The following TXNRD2 variants were observed in gnomAD, a reference collection of about 807,000 sequenced individuals.
TXNRD2 encodes the protein thioredoxin reductase 2, also known as thioredoxin reductase 2, mitochondrial.
A neutral mutation model predicts 70.8 loss-of-function variants in TXNRD2; 67 were observed. That is an observed-to-expected ratio of 0.95 (90% CI 0.78 to 1.16). The LOEUF (loss-of-function observed/expected upper bound fraction) is 1.16, where lower values mean the gene tolerates loss of function less well. TXNRD2 is among the 50% of genes most tolerant of loss of function. TXNRD2 has a pLI of 0.00. For missense variants in TXNRD2, 644 were observed against 719.9 expected (o/e 0.89, Z 1.21); for synonymous variants, 301 against 295.8 (o/e 1.02, Z -0.18).
chr22:19,929,097 G>A (rs1172507117), intron 2 of TXNRD2, among the ~76,000 whole-genome samples: 1 of 151,870 alleles, frequency 6.6e-6, no homozygotes. Flanking sequence ...GGAGGCCGAG[G>A]TGGGTGGATC....
intron 1 of TXNRD2, 181 bp downstream of exon 1, chr22:19,941,520 G>C (rs1231422803): frequency 9.2e-7 from 1 of 1,086,218 alleles, no homozygotes; most frequent in African/African-American, 1.7e-5. Flanking sequence ...TGGGAAGGGG[G>C]CTACTTGTGG....
chr22:19,881,230 C>A, intron 12 of TXNRD2: 1 of 400,352 alleles, frequency 2.5e-6, no homozygotes. Flanking sequence ...CCAGGGTGTG[C>A]CCAGCCTTGG....
chr22:19,905,091 C>T (rs931520696), intron 8 of TXNRD2, among the ~76,000 whole-genome samples: 3 of 152,138 alleles, frequency 2.0e-5, no homozygotes, highest in African/African-American at 7.2e-5. Context: ...AGGAATGTAA[C>T]ATGTAAACAC....
chr22:19,916,722 CT>C (rs1196896053), intron 5 of TXNRD2, among the ~76,000 whole-genome samples: 2 of 151,800 alleles, frequency 1.3e-5, no homozygotes, highest in Non-Finnish European at 2.9e-5. Flanking sequence ...TCACGGAAGC[CT>C]TGTTTCAAGT....
intron 9 of TXNRD2, 146 bp from the exon 10 acceptor site, chr22:19,898,276 A>C: frequency 1.3e-6 from 1 of 758,306 alleles, no homozygotes; most frequent in African/African-American, 1.7e-5. Context: ...CCACCTCCAC[A>C]TCTCAAGTGC....
At chr22:19,896,599 C>A (rs1295095321) in intron 10 of TXNRD2, among the ~76,000 whole-genome samples, 2 of 152,240 alleles carry the variant, frequency 1.3e-5, no homozygotes, top group South Asian at 4.1e-4. Flanking sequence ...CAGAGAGAGT[C>A]CTGCTTCTCC....
chr22:19,888,867 T>C (rs1257906713), intron 11 of TXNRD2, among the ~76,000 whole-genome samples: 1 of 147,814 alleles, frequency 6.8e-6, no homozygotes, highest in Non-Finnish European at 1.5e-5. Context: ...CTTATTATTT[T>C]AAAATATTTA....
intron 7 of TXNRD2, among the ~76,000 whole-genome samples, chr22:19,913,590 C>T (rs1940508164): frequency 6.6e-6 from 1 of 152,242 alleles, no homozygotes; most frequent in Admixed American, 6.5e-5. Context: ...CAACAACAGA[C>T]TGCCCAAAAA....
chr22:19,898,619 G>A (rs1024171976), intron 9 of TXNRD2, among the ~76,000 whole-genome samples: 3 of 150,146 alleles, frequency 2.0e-5, no homozygotes, highest in Admixed American at 6.7e-5. Flanking sequence ...GGTTCAAGCG[G>A]TTCCCCTGCC....
chr22:19,915,284 G>GA lies in TXNRD2; in HGVS notation c.529-9dup, dbSNP rs1167544136. On this transcript the variant is annotated splice_polypyrimidine_tract_variant and intron_variant, in intron 6 of 17. Coordinates refer to ENST00000400521, the MANE Select transcript of TXNRD2 (RefSeq NM_006440.5). ...ATCGGCTGACAGCAGAATCTGAGGA[G>GA]AAAAAGAGAAAGCCGTGGGTCAGAC... The GA allele has an allele frequency of 4.3e-6, 7 of 1,612,832 alleles. No individual in the cohort carries two copies. The highest frequency in any genetic ancestry group is 2.2e-5 in the East Asian group (1 of 44,880).
At chr22:19,907,931 T>G (rs1940139322) in intron 8 of TXNRD2, among the ~76,000 whole-genome samples, 1 of 68,602 alleles carries the variant, frequency 1.5e-5, no homozygotes, top group Non-Finnish European at 2.7e-5. Flanking sequence ...GGGCACACCA[T>G]GGGTAGCAGT....
chr22:19,902,262 G>A (rs1187121270), intron 8 of TXNRD2, among the ~76,000 whole-genome samples: 1 of 152,192 alleles, frequency 6.6e-6, no homozygotes, highest in Non-Finnish European at 1.5e-5. Context: ...TTTTTGGTGT[G>A]CAAACATTTT....
rs868496249 is a variant in TXNRD2, at chr22:19,895,293, G to A, written c.949+114C>T. On this transcript the variant is annotated intron_variant, in intron 11 of 17. Transcript: ENST00000400521. ...AGGTGCACTGGGGAGCGGCCAACCC[G>A]CCTGGCAGCCAGCAGGATGGGGGAG... The A allele has an allele frequency of 1.9e-4, 301 of 1,593,992 alleles. No individual in the cohort carries two copies. In the Middle Eastern group the frequency reaches 3.3e-3, roughly 18 times the overall value.
At chr22:19,941,297 A>G (rs1351882463) in intron 1 of TXNRD2, among the ~76,000 whole-genome samples, 1 of 152,052 alleles carries the variant, frequency 6.6e-6, no homozygotes, top group Non-Finnish European at 1.5e-5. Context: ...GTATCCTCCC[A>G]TTGCTCTGTG....
rs532348993 is a variant in TXNRD2, at chr22:19,888,131, G to A, written c.950-4670C>T. ...ACTGGGCTGAGCATCTCTGCAGCCC[G>A]GAGCTGCCTCCAGCCCCAGGCCCAG... is the stretch of plus-strand genomic sequence containing the variant. On this transcript the variant is annotated intron_variant, in intron 11 of 17. Coordinates refer to ENST00000400521, the MANE Select transcript of TXNRD2 (RefSeq NM_006440.5). 8.3e-4 allele frequency among the ~76,000 whole-genome samples: 127 copies of A among 152,338 alleles called. 1 individual carries two copies. Among genetic ancestry groups the A allele is most frequent in the Non-Finnish European group, 1.4e-3 (94 of 68,028 alleles).
intron 7 of TXNRD2, 188 bp downstream of exon 7, chr22:19,915,026 C>G (rs544228223): frequency 1.6e-6 from 1 of 629,704 alleles, no homozygotes; most frequent in East Asian, 3.0e-5. Context: ...GCGTGGAGGC[C>G]ACTGGGGACC....
At chr22:19,928,345 G>A (rs1245889007) in intron 2 of TXNRD2, among the ~76,000 whole-genome samples, 2 of 152,038 alleles carry the variant, frequency 1.3e-5, no homozygotes, top group African/African-American at 4.8e-5. Context: ...AGGGGAACAC[G>A]TACACGAAAC....
chr22:19,896,654 G>A (rs914765498), intron 10 of TXNRD2, among the ~76,000 whole-genome samples: 4 of 152,242 alleles, frequency 2.6e-5, no homozygotes, highest in Non-Finnish European at 5.9e-5. Flanking sequence ...AGCTACAGAT[G>A]GGGGCCCTGT....
At position 19,915,774 on chromosome 22, in the gene TXNRD2, A is replaced by T. The variant is rs774326635; in HGVS notation, c.519T>A (p.Gly173=). 9.3e-6 allele frequency: 15 copies of T among 1,613,982 alleles called. 1 individual carries two copies. The South Asian group carries it at 1.5e-4, about 17-fold the overall frequency. Residue 173 remains glycine, a synonymous_variant, in exon 6 of 18, where the codon GGT becomes GGA. Transcript: ENST00000400521. ...DEHTVCGVAK[G]GKEILLSADH... ...TAAGTCAGATGCTCACCTCTTTCCC[A>T]CCTTTGGCAACGCCGCAAACCGTGT...
Sources: allele counts gnomAD v4.1 joint callset (sites outside exome capture counted in the v4.1 genomes callset), GRCh38; gene constraint gnomAD v4.1.1; transcripts MANE v1.5; gene names NCBI Gene and HGNC (gene_info 2026-07-23, HGNC 2026-07-21).